The following EPHA6 variants were observed in gnomAD, a reference collection of about 807,000 sequenced individuals.
EPHA6 encodes the protein EPH receptor A6.
A neutral mutation model predicts 112.0 loss-of-function variants in EPHA6; 50 were observed. The observed-to-expected ratio is 0.45, with a 90% CI of 0.36 to 0.56. The LOEUF is 0.56. EPHA6 is among the 20% of genes least tolerant of loss of function. EPHA6 has a pLI of 0.00. For synonymous variants in EPHA6, 529 were observed against 490.7 expected, an observed-to-expected ratio of 1.08 and a Z score of -1.03; for missense variants, 1,280 against 1,417.4, an observed-to-expected ratio of 0.90 and a Z score of 1.56.
At chr3:97,083,171 T>A (rs1187494207) in intron 3 of EPHA6, among the ~76,000 whole-genome samples, 3 of 151,964 alleles carry the variant, frequency 2.0e-5, no homozygotes, top group East Asian at 3.9e-4. Context: ...AGATGCTGCC[T>A]CAAATTCACT....
chr3:97,536,034 A>G (rs1368758582), intron 11 of EPHA6, among the ~76,000 whole-genome samples: 3 of 152,202 alleles, frequency 2.0e-5, no homozygotes, highest in African/African-American at 7.2e-5. Flanking sequence ...TCACAATTTC[A>G]TTAACCTATT....
chr3:97,003,679 A>G (rs2043760500), intron 3 of EPHA6, among the ~76,000 whole-genome samples: 1 of 152,078 alleles, frequency 6.6e-6, no homozygotes, highest in Non-Finnish European at 1.5e-5. Flanking sequence ...CTTCTTCAAA[A>G]AGAAAAGGGG....
chr3:96,852,739 G>A (rs1257462573), intron 1 of EPHA6, among the ~76,000 whole-genome samples: 5 of 152,026 alleles, frequency 3.3e-5, no homozygotes, highest in African/African-American at 1.2e-4. Flanking sequence ...TGACAAAGGT[G>A]ATGAGGAGAT....
intron 6 of EPHA6, among the ~76,000 whole-genome samples, chr3:97,412,244 T>G (rs1037901882): frequency 1.3e-5 from 2 of 152,090 alleles, no homozygotes; most frequent in Admixed American, 6.6e-5. Flanking sequence ...GGAGTCATAT[T>G]GTAGAATTTC....
intron 1 of EPHA6, among the ~76,000 whole-genome samples, chr3:96,851,353 A>C (rs1011822633): frequency 2.6e-5 from 4 of 152,190 alleles, no homozygotes; most frequent in African/African-American, 9.7e-5. Flanking sequence ...GCAAAACTGG[A>C]CTTAAACAGG....
chr3:97,276,297 C>T (rs1364510999), intron 5 of EPHA6, among the ~76,000 whole-genome samples: 1 of 152,060 alleles, frequency 6.6e-6, no homozygotes, highest in Non-Finnish European at 1.5e-5. Flanking sequence ...AGCCTTGGGC[C>T]AGAGTTCCAG....
chr3:97,557,799 A>G (rs940370845), intron 11 of EPHA6, among the ~76,000 whole-genome samples: 3 of 151,884 alleles, frequency 2.0e-5, no homozygotes, highest in Non-Finnish European at 4.4e-5. Context: ...TAGCTTGTGC[A>G]TATGTTTTAA....
chr3:97,463,719 A>G (rs2090963948), intron 7 of EPHA6, among the ~76,000 whole-genome samples: 1 of 152,190 alleles, frequency 6.6e-6, no homozygotes, highest in Admixed American at 6.5e-5. Context: ...ATGATTGAAG[A>G]TGATTTTTCC....
intron 10 of EPHA6, among the ~76,000 whole-genome samples, chr3:97,529,035 A>G (rs1336251003): frequency 6.6e-6 from 1 of 152,138 alleles, no homozygotes; most frequent in Non-Finnish European, 1.5e-5. Context: ...TATCATTCCA[A>G]TCATCTGTTC....
chr3:97,450,553 T>C (rs1374535411), intron 7 of EPHA6, among the ~76,000 whole-genome samples: 1 of 152,092 alleles, frequency 6.6e-6, no homozygotes, highest in Non-Finnish European at 1.5e-5. Flanking sequence ...TTTGGTGTAA[T>C]ATTAACAAAA....
At chr3:97,111,212 A>T (rs1260027785) in intron 3 of EPHA6, among the ~76,000 whole-genome samples, 4 of 152,168 alleles carry the variant, frequency 2.6e-5, no homozygotes, top group Admixed American at 6.5e-5. Flanking sequence ...TTAACTTACA[A>T]ATGTGGAATT....
intron 11 of EPHA6, among the ~76,000 whole-genome samples, chr3:97,589,449 AC>A (rs1185905241): frequency 6.6e-6 from 1 of 152,054 alleles, no homozygotes; most frequent in African/African-American, 2.4e-5. Context: ...TTAACTAGCA[AC>A]TTTTTAAGAT....
intron 5 of EPHA6, among the ~76,000 whole-genome samples, chr3:97,387,351 A>C (rs2086133668): frequency 1.3e-5 from 2 of 148,538 alleles, no homozygotes; most frequent in Non-Finnish European, 3.0e-5. Context: ...AATTGAGCAT[A>C]AGCTTTTAGA....
chr3:96,989,534 A>G (rs2043141732), intron 3 of EPHA6, among the ~76,000 whole-genome samples: 1 of 152,296 alleles, frequency 6.6e-6, no homozygotes, highest in Non-Finnish European at 1.5e-5. Flanking sequence ...TGGAAAGTGC[A>G]TGTATTAGTT....
chr3:97,460,910 C>G (rs1365917364), intron 7 of EPHA6, among the ~76,000 whole-genome samples: 2 of 152,090 alleles, frequency 1.3e-5, no homozygotes, highest in Non-Finnish European at 1.5e-5. Context: ...AGCTCCATTG[C>G]AGAATCTGTG....
intron 11 of EPHA6, among the ~76,000 whole-genome samples, chr3:97,592,190 CTAAAG>C (rs1380651179): frequency 6.6e-6 from 1 of 152,096 alleles, no homozygotes; most frequent in Non-Finnish European, 1.5e-5. Context: ...AGAGATAGAC[CTAAAG>C]TAAAGTACTG....
intron 16 of EPHA6, among the ~76,000 whole-genome samples, chr3:97,740,055 C>T (rs1374716327): frequency 1.3e-5 from 2 of 152,014 alleles, no homozygotes; most frequent in African/African-American, 4.8e-5. Flanking sequence ...CTCCACTAAC[C>T]CTCAGGACTA....
chr3:97,325,536 G>A (rs1156344848), intron 5 of EPHA6, among the ~76,000 whole-genome samples: 1 of 152,070 alleles, frequency 6.6e-6, no homozygotes, highest in Non-Finnish European at 1.5e-5. Context: ...CAGGGGTCTA[G>A]GCTTCAACAT....
At chr3:97,663,357 T>C (rs2094182599) in intron 14 of EPHA6, among the ~76,000 whole-genome samples, 1 of 152,070 alleles carries the variant, frequency 6.6e-6, no homozygotes, top group African/African-American at 2.4e-5. Context: ...TATTATACTT[T>C]AAGTTTTAGG....
Sources: allele counts gnomAD v4.1 joint callset (sites outside exome capture counted in the v4.1 genomes callset), GRCh38; gene constraint gnomAD v4.1.1; transcripts MANE v1.5; gene names NCBI Gene and HGNC (gene_info 2026-07-23, HGNC 2026-07-21).